The following CDKL2 variants were observed in gnomAD, a reference collection of about 807,000 sequenced individuals.
CDKL2 encodes cyclin dependent kinase like 2.
In CDKL2, 64 loss-of-function variants were observed where a neutral mutation model predicts 63.9. The ratio of observed to expected loss-of-function variants is 1.00; its 90% CI spans 0.82 to 1.23. The LOEUF (loss-of-function observed/expected upper bound fraction) is 1.23, where lower values mean the gene tolerates loss of function less well. Ranked by LOEUF, CDKL2 falls within the 50% of genes most tolerant of loss-of-function variation. CDKL2 has a pLI of 0.00. For missense variants in CDKL2, 656 were observed against 668.0 expected (o/e 0.98, Z 0.20); for synonymous variants, 211 against 229.2 (o/e 0.92, Z 0.72).
At chr4:75,597,722 A>C (rs1729005032) in intron 8 of CDKL2, among the ~76,000 whole-genome samples, 1 of 152,202 alleles carries the variant, frequency 6.6e-6, no homozygotes, top group South Asian at 2.1e-4. Flanking sequence ...ACTTCATATA[A>C]ATTTCTACAG....
At chr4:75,595,421 C>T (rs1728872373) in intron 10 of CDKL2, among the ~76,000 whole-genome samples, 1 of 151,990 alleles carries the variant, frequency 6.6e-6, no homozygotes, top group Non-Finnish European at 1.5e-5. Flanking sequence ...TGCTATGTTG[C>T]TCAAGCTTGT....
intron 10 of CDKL2, 65 bp from the exon 11 acceptor site, chr4:75,592,334 C>G: frequency 7.4e-7 from 1 of 1,358,824 alleles, no homozygotes; most frequent in Non-Finnish European, 9.7e-7. Context: ...TTTCCTTCTT[C>G]TGTAACTCCT....
At position 75,603,934 on chromosome 4, in the gene CDKL2, C is replaced by G. The variant is rs1160583633; in HGVS notation, c.678G>C (p.Gln226His). Reference protein sequence around the residue: ...MCLGNLIPRHQELFNKNPVFA... With the variant: ...MCLGNLIPRHHELFNKNPVFA... Reference sequence around the variant, plus strand: ...ACACAGGATTTTTATTAAAAAGCTCCTGATGCCTTGGAATTAGATTACCTG... The same window carrying G: ...ACACAGGATTTTTATTAAAAAGCTCGTGATGCCTTGGAATTAGATTACCTG... The change falls in exon 6 of 14, where the codon CAG becomes CAC. Residue 226 changes from glutamine to histidine, a missense_variant. Gln to His is a conservative substitution (Grantham distance 24). Transcript: ENST00000307465. The G allele has an allele frequency of 6.2e-7, 1 of 1,609,946 alleles. No individual in the cohort carries two copies. Among genetic ancestry groups the G allele is most frequent in the Non-Finnish European group, 8.5e-7 (1 of 1,179,018 alleles).
chr4:75,585,126 A>G (rs1728421099), intron 12 of CDKL2, among the ~76,000 whole-genome samples: 1 of 152,350 alleles, frequency 6.6e-6, no homozygotes, highest in East Asian at 1.9e-4. Flanking sequence ...AAACATACGT[A>G]TAAGAAGTTT....
chr4:75,609,094 G>C (rs975264473), intron 3 of CDKL2, among the ~76,000 whole-genome samples: 2 of 152,052 alleles, frequency 1.3e-5, no homozygotes, highest in South Asian at 4.1e-4. Context: ...AAGAATGGTG[G>C]TTTCATTTTC....
chr4:75,589,450 G>A (rs1424799454), intron 12 of CDKL2, among the ~76,000 whole-genome samples: 2 of 150,614 alleles, frequency 1.3e-5, no homozygotes, highest in Admixed American at 6.6e-5. Context: ...GACTACAGGC[G>A]CCTGCCACTA....
intron 6 of CDKL2, among the ~76,000 whole-genome samples, chr4:75,602,292 G>T (rs1195073482): frequency 6.6e-6 from 1 of 151,822 alleles, no homozygotes; most frequent in Non-Finnish European, 1.5e-5. Flanking sequence ...GCAATTCTCT[G>T]CCTCACCTTC....
At chr4:75,595,974 AAAGAAGGAAG>A (rs1728900765) in intron 10 of CDKL2, 6 of 125,906 alleles carry the variant, frequency 4.8e-5, no homozygotes, top group African/African-American at 1.9e-4. Context: ...GGAAGGAAGG[AAAGAAGGAAG>A]GAAGGAAGGA....
chr4:75,601,403 G>A (rs986621226), intron 6 of CDKL2, among the ~76,000 whole-genome samples: 2 of 151,824 alleles, frequency 1.3e-5, no homozygotes, highest in Non-Finnish European at 2.9e-5. Context: ...AAAATAGAAG[G>A]GACTCAATAA....
Position 75,581,883 on chromosome 4 carries a change from G to T in CDKL2, c.1663C>A (p.Leu555Met), listed in dbSNP as rs567033023. Residue 555 changes from leucine to methionine, a missense_variant, in exon 13 of 14, where the codon CTG becomes ATG. Leu to Met is a conservative substitution (Grantham distance 15). Coordinates refer to ENST00000307465, the MANE Select transcript of CDKL2 (RefSeq NM_001330724.2). ...AAATCAGCCCCTGAATCATCTGACAGGGGAGGTCCTGATACCTATAAATTA... is the reference window on the plus strand; with the variant it reads ...AAATCAGCCCCTGAATCATCTGACATGGGAGGTCCTGATACCTATAAATTA... ...ITLHQVSGPPLSDDSGADLPQ... is the reference protein window; with the variant it reads ...ITLHQVSGPPMSDDSGADLPQ... 2 of 1,611,766 alleles carry T rather than the reference G, an allele frequency of 1.2e-6. No individual in the cohort carries two copies. The highest frequency in any genetic ancestry group is 2.7e-5 in the African/African-American group (2 of 74,990).
chr4:75,596,908 T>C, intron 9 of CDKL2, 27 bp downstream of exon 9: 1 of 1,574,720 alleles, frequency 6.4e-7, no homozygotes, highest in Non-Finnish European at 8.7e-7. Flanking sequence ...TTAAACACTT[T>C]TTTGATCTTA....
chr4:75,582,048 G>A, intron 12 of CDKL2, 150 bp from the exon 13 acceptor site: 2 of 611,224 alleles, frequency 3.3e-6, no homozygotes, highest in South Asian at 4.1e-5. Flanking sequence ...TGAAGTAAGG[G>A]GACATTGTTC....
At chr4:75,592,399 G>T in intron 10 of CDKL2, 130 bp from the exon 11 acceptor site, 4 of 646,282 alleles carry the variant, frequency 6.2e-6, no homozygotes, top group Non-Finnish European at 7.0e-6. Flanking sequence ...AAATTTGAAG[G>T]ACATTAATAA....
chr4:75,584,363 T>C (rs575543807), intron 12 of CDKL2, among the ~76,000 whole-genome samples: 8 of 152,208 alleles, frequency 5.3e-5, no homozygotes, highest in African/African-American at 9.6e-5. Context: ...AGCAAGGAAA[T>C]AGGGACTTCT....
At chr4:75,585,285 T>C (rs2148859784) in intron 12 of CDKL2, among the ~76,000 whole-genome samples, 1 of 152,172 alleles carries the variant, frequency 6.6e-6, no homozygotes, top group South Asian at 2.1e-4. Context: ...AGATTTAAAA[T>C]ACATAAAGCA....
At chr4:75,616,615 G>A (rs772373280) in intron 2 of CDKL2, among the ~76,000 whole-genome samples, 3 of 149,994 alleles carry the variant, frequency 2.0e-5, no homozygotes, top group East Asian at 3.9e-4. Context: ...CAGGAGAATC[G>A]CTTGAACCCA....
At chr4:75,596,813 T>C (rs1728959678) in intron 9 of CDKL2, 122 bp downstream of exon 9, 1 of 830,036 alleles carries the variant, frequency 1.2e-6, no homozygotes, top group Non-Finnish European at 1.9e-6. Context: ...AACAGCTACC[T>C]GACAAGAATG....
intron 12 of CDKL2, 122 bp from the exon 13 acceptor site, chr4:75,582,020 T>G (rs1205477443): frequency 4.5e-6 from 3 of 660,822 alleles, no homozygotes; most frequent in Middle Eastern, 8.4e-4. Context: ...TAGCTCAAGT[T>G]GCCTACATGG....
rs556279578 is a variant in CDKL2 at position 75,630,165 on chromosome 4, C to T, written c.-153G>A. 6.5e-6 allele frequency: 1 copy of T among 152,778 alleles called. No homozygotes were observed. The highest frequency in any genetic ancestry group is 6.5e-5 in the Admixed American group (1 of 15,292). The allele number at this position is 152,778 out of a possible 1,614,324, so 9.5% of individuals were successfully genotyped here. A position where few individuals can be genotyped will look rare whatever the true frequency, so the allele number is the denominator to read the frequency against. ...GCCTAGCAAACTAGCAATTCCAGCGCTGTTGTGATTTCTTCTGCGGACGCA... is the reference window on the plus strand; with the variant it reads ...GCCTAGCAAACTAGCAATTCCAGCGTTGTTGTGATTTCTTCTGCGGACGCA... On this transcript the variant is annotated 5_prime_UTR_variant, in exon 1 of 14. Transcript: ENST00000307465.
Sources: allele counts gnomAD v4.1 joint callset (sites outside exome capture counted in the v4.1 genomes callset), GRCh38; gene constraint gnomAD v4.1.1; transcripts MANE v1.5; gene names NCBI Gene and HGNC (gene_info 2026-07-23, HGNC 2026-07-21).